Variants in PPP6R1 observed in about 807,000 individuals in gnomAD.
PPP6R1 encodes serine/threonine-protein phosphatase 6 regulatory subunit 1.
A neutral mutation model predicts 104.6 loss-of-function variants in PPP6R1; 39 were observed. The observed-to-expected ratio is 0.37, with a 90% CI of 0.29 to 0.49. The LOEUF is 0.49. Among genes scored for constraint, PPP6R1 ranks in the 20% least tolerant of loss-of-function variants. The pLI is 0.98. For missense variants in PPP6R1, 1,181 were observed against 1,155.8 expected (o/e 1.02, Z -0.32); for synonymous variants, 549 against 479.0 (o/e 1.15, Z -1.91).
At chr19:55,242,573 G>T in intron 5 of PPP6R1, 85 bp from the exon 6 acceptor site, 2 of 1,169,360 alleles carry the variant, frequency 1.7e-6, no homozygotes, top group Non-Finnish European at 2.6e-6. Flanking sequence ...CCCATGAGCT[G>T]ACCATCCAGG....
chr19:55,233,992 C>T (rs1185067435), intron 17 of PPP6R1, among the ~76,000 whole-genome samples: 2 of 152,188 alleles, frequency 1.3e-5, no homozygotes, highest in Non-Finnish European at 2.9e-5. Context: ...GTCACCCAGA[C>T]TGGAGTGCAA....
At position 55,241,721 on chromosome 19, in the gene PPP6R1, G is replaced by C. The variant is rs539547725; in HGVS notation, c.846-82C>G. On this transcript the variant is annotated intron_variant, in intron 7 of 23. Coordinates refer to ENST00000412770, the MANE Select transcript of PPP6R1 (RefSeq NM_014931.4). This position sits in a 1 kb window ranked among gnomAD's most constrained non-coding sequence, Gnocchi z 5.4. ...AGGAGTAGGCACAAGGACCACGTCT[G>C]CAGGGTCTGGAGGAAAACGAGGAGC... 3 of 1,430,366 alleles carry C rather than the reference G, an allele frequency of 2.1e-6. No homozygotes were observed. The highest frequency in any genetic ancestry group is 5.0e-5 in the East Asian group (2 of 39,792). 88.6% of individuals were successfully genotyped at this position (1,430,366 alleles called of 1,614,324 possible).
intron 1 of PPP6R1, among the ~76,000 whole-genome samples, chr19:55,252,396 ATT>A (rs1179232184): frequency 3.5e-4 from 25 of 70,572 alleles, no homozygotes; most frequent in Admixed American, 6.7e-4. Flanking sequence ...TTCTTGGCTG[ATT>A]TTTTTTTTTT....
intron 10 of PPP6R1, 79 bp downstream of exon 10, chr19:55,240,866 G>C: frequency 6.6e-7 from 1 of 1,521,134 alleles, no homozygotes; most frequent in Non-Finnish European, 8.9e-7. Flanking sequence ...GGAGGAAGGA[G>C]TGAGGGGTAG....
At chr19:55,247,145 G>A (rs762969214) in intron 1 of PPP6R1, 36 bp from the exon 2 acceptor site, 16 of 1,589,694 alleles carry the variant, frequency 1.0e-5, no homozygotes, top group Admixed American at 3.3e-5. Flanking sequence ...CGCGTCAGAC[G>A]CCCCAGGGAG....
chr19:55,239,183 C>T lies in PPP6R1; in HGVS notation c.1751+222G>A, dbSNP rs557707918. The stretch of plus-strand genomic sequence containing the variant: ...TGCCCCACCCTCATGGCCTGCCTCT[C>T]GGAGAGAAGAGACTGCAGAGCTGGA... On this transcript the variant is annotated intron_variant, in intron 15 of 23. Transcript: ENST00000412770. 154 of 569,430 alleles carry T rather than the reference C, an allele frequency of 2.7e-4. 1 individual carries two copies. The highest frequency in any genetic ancestry group is 2.2e-3 in the African/African-American group (118 of 53,238). 35.3% of individuals were successfully genotyped at this position (569,430 alleles called of 1,614,324 possible).
At chr19:55,243,274 G>A (rs950277559) in intron 5 of PPP6R1, among the ~76,000 whole-genome samples, 2 of 151,942 alleles carry the variant, frequency 1.3e-5, no homozygotes, top group African/African-American at 2.4e-5. Flanking sequence ...TTAGCCAGGC[G>A]CAGTGGTAGG....
intron 12 of PPP6R1, 39 bp from the exon 13 acceptor site, chr19:55,239,950 G>C (rs1263126897): frequency 1.9e-6 from 3 of 1,612,620 alleles, no homozygotes; most frequent in East Asian, 4.5e-5. Context: ...AGGCATCTCG[G>C]GGCTTCAAGC....
Position 55,230,353 on chromosome 19 carries a change from T to C in PPP6R1, c.*175A>G. The stretch of plus-strand genomic sequence containing the variant: ...CCAAAACTTCTCTTCTCAGTGCAAA[T>C]GGGGGTGGGTTGGGCCTGTCTCCCT... On this transcript the variant is annotated 3_prime_UTR_variant, in exon 24 of 24. Coordinates refer to ENST00000412770, the MANE Select transcript of PPP6R1 (RefSeq NM_014931.4). 1.2e-6 allele frequency: 1 copy of C among 840,014 alleles called. No homozygotes were observed. The highest frequency in any genetic ancestry group is 1.7e-5 in the South Asian group (1 of 59,012). 52.0% of individuals were successfully genotyped at this position (840,014 alleles called of 1,614,324 possible).
chr19:55,239,420 T>C lies in PPP6R1; in HGVS notation c.1736A>G (p.Gln579Arg). ...FGFNDEEFGE[Q>R]EESVNAPFDK... is the part of the protein sequence containing the mutation. ...AGACACTCACTTCACACTCTCCTCCTGCTCCCCAAACTCCTCATCATTGAA... is the reference window on the plus strand; with the variant it reads ...AGACACTCACTTCACACTCTCCTCCCGCTCCCCAAACTCCTCATCATTGAA... Residue 579 changes from glutamine (Q) to arginine (R), a missense_variant, in exon 15 of 24, where the codon CAG (glutamine) becomes CGG (arginine). Coordinates refer to ENST00000412770, the MANE Select transcript of PPP6R1 (RefSeq NM_014931.4). 6.2e-7 allele frequency: 1 copy of C among 1,613,830 alleles called. No individual in the cohort carries two copies. The highest frequency in any genetic ancestry group is 8.5e-7 in the Non-Finnish European group (1 of 1,179,748).
At chr19:55,228,991 G>A (rs547734556), downstream of PPP6R1, 27 of 486,308 alleles carry the variant, frequency 5.6e-5, no homozygotes, top group East Asian at 4.0e-4. Flanking sequence ...CTATCTGCCT[G>A]GGGAGGTTAG....
At chr19:55,246,472 T>C (rs1255132938) in intron 2 of PPP6R1, among the ~76,000 whole-genome samples, 10 of 149,394 alleles carry the variant, frequency 6.7e-5, no homozygotes, top group Non-Finnish European at 1.3e-4. Flanking sequence ...ATAAGTAAAG[T>C]GTCTTCAATA....
chr19:55,232,482 G>T (rs1254170558), intron 17 of PPP6R1: 1 of 454,726 alleles, frequency 2.2e-6, no homozygotes, highest in African/African-American at 2.0e-5. Context: ...AGGCCCTGGG[G>T]AAGTGGGCTG....
intron 21 of PPP6R1, among the ~76,000 whole-genome samples, chr19:55,231,184 C>T (rs1038766701): frequency 4.6e-5 from 7 of 152,100 alleles, no homozygotes; most frequent in African/African-American, 9.7e-5. Context: ...CACCCTCCAA[C>T]GAGCCCTTCC....
chr19:55,240,408 C>G (rs45450993), intron 10 of PPP6R1, 108 bp from the exon 11 acceptor site: 1 of 1,116,010 alleles, frequency 9.0e-7, no homozygotes, highest in South Asian at 1.4e-5. Flanking sequence ...ACCAGGCCCC[C>G]GCTCATCCAG....
chr19:55,240,455 T>TGGGACCC (rs1053666297), intron 10 of PPP6R1, among the ~76,000 whole-genome samples, 155 bp from the exon 11 acceptor site: 14 of 151,760 alleles, frequency 9.2e-5, no homozygotes, highest in African/African-American at 3.1e-4. Context: ...AGCTGGGGCT[T>TGGGACCC]GGGACCCTGG....
intron 17 of PPP6R1, 134 bp from the exon 18 acceptor site, chr19:55,232,345 G>C (rs2087357036): frequency 7.3e-7 from 1 of 1,365,262 alleles, no homozygotes; most frequent in Admixed American, 2.9e-5. Flanking sequence ...GGTCCAGGGA[G>C]CCTGGGGTGT....
Position 55,230,696 on chromosome 19 carries a change from G to C in PPP6R1, c.2571-12C>G, listed in dbSNP as rs557440286. On this transcript the variant is annotated splice_polypyrimidine_tract_variant and intron_variant, in intron 22 of 23. Coordinates refer to ENST00000412770, the MANE Select transcript of PPP6R1 (RefSeq NM_014931.4). ...TGAGGGCCTGGGCACTGTCAGGGGAGAGAGGGGATGTGCAGAGGTCACTTC... is the reference window on the plus strand; with the variant it reads ...TGAGGGCCTGGGCACTGTCAGGGGACAGAGGGGATGTGCAGAGGTCACTTC... 1 of 1,572,978 alleles carries C rather than the reference G, an allele frequency of 6.4e-7. No individual in the cohort carries two copies. Among genetic ancestry groups the C allele is most frequent in the South Asian group, 1.2e-5 (1 of 85,918 alleles).
chr19:55,232,168 C>T lies in PPP6R1; in HGVS notation c.2032G>A (p.Glu678Lys), dbSNP rs1293170614. 2.5e-6 allele frequency: 4 copies of T among 1,570,932 alleles called. No individual in the cohort carries two copies. The highest frequency in any genetic ancestry group is 1.4e-5 in the African/African-American group (1 of 74,066). ...CCCTCCTCGTCTTCCTCCTCCTCCT[C>T]GTCCTCCTCTTCTTCGTCCTCACTG... is the stretch of plus-strand genomic sequence containing the variant. ...TDSEDEEEEDEEEEEDEEGIG... is the reference protein window; with the variant it reads ...TDSEDEEEEDKEEEEDEEGIG... The change falls in exon 18 of 24, where the codon GAG (glutamate) becomes AAG (lysine). Residue 678 changes from glutamate to lysine, a missense_variant. Physicochemically the swap from Glu to Lys is moderately conservative, Grantham distance 56 (BLOSUM62 1). Coordinates refer to ENST00000412770, the MANE Select transcript of PPP6R1 (RefSeq NM_014931.4).
Sources: allele counts gnomAD v4.1 joint callset (sites outside exome capture counted in the v4.1 genomes callset), GRCh38; gene constraint gnomAD v4.1.1; non-coding constraint Gnocchi (gnomAD v3.1); transcripts MANE v1.5; gene names NCBI Gene and HGNC (gene_info 2026-07-23, HGNC 2026-07-21).